TBC1D22A: variants seen among roughly 807,000 people sequenced by gnomAD.
The protein encoded by TBC1D22A is putative GTPase activator.
A neutral mutation model predicts 60.2 loss-of-function variants in TBC1D22A; 38 were observed. That is an observed-to-expected ratio of 0.63 (90% confidence interval 0.49 to 0.83). TBC1D22A has a LOEUF of 0.83. Ranked by LOEUF, TBC1D22A falls within the 40% of genes least tolerant of loss-of-function variation. TBC1D22A has a pLI of 0.00. For synonymous variants in TBC1D22A, 302 were observed against 281.7 expected, an observed-to-expected ratio of 1.07 and a Z score of -0.72; for missense variants, 628 against 701.0, an observed-to-expected ratio of 0.90 and a Z score of 1.18.
chr22:46,925,811 A>G (rs1287972696), intron 8 of TBC1D22A, among the ~76,000 whole-genome samples: 3 of 152,204 alleles, frequency 2.0e-5, no homozygotes, highest in African/African-American at 7.2e-5. Context: ...CAGAAAACCA[A>G]CTAGATCTAG....
intron 11 of TBC1D22A, among the ~76,000 whole-genome samples, chr22:47,044,595 C>T (rs932970571): frequency 2.0e-5 from 3 of 152,230 alleles, no homozygotes; most frequent in Admixed American, 6.5e-5. Flanking sequence ...TGTACTTTCT[C>T]ATGAGCCCAT....
At chr22:47,005,655 C>G (rs1455772176) in intron 10 of TBC1D22A, among the ~76,000 whole-genome samples, 1 of 150,222 alleles carries the variant, frequency 6.7e-6, no homozygotes, top group Non-Finnish European at 1.5e-5. Context: ...CACACACACC[C>G]ACACACACAC....
chr22:46,917,324 C>G (rs1038252097), intron 8 of TBC1D22A, among the ~76,000 whole-genome samples: 1 of 152,106 alleles, frequency 6.6e-6, no homozygotes, highest in Non-Finnish European at 1.5e-5. Flanking sequence ...CTGAGGGGTA[C>G]AGGAGCAGGC....
intron 8 of TBC1D22A, among the ~76,000 whole-genome samples, chr22:46,921,046 C>T (rs1037969586): frequency 6.6e-6 from 1 of 152,200 alleles, no homozygotes; most frequent in African/African-American, 2.4e-5. Flanking sequence ...GCTGGGATTA[C>T]AGGCATGAGC....
rs114157318 is a variant in TBC1D22A, at chr22:47,015,051, C to G, written c.1201+17342C>G. On this transcript the variant is annotated intron_variant, in intron 10 of 12. Transcript: ENST00000337137. ...ACCCATAGGTTCACCTCTTGTAACT[C>G]GTGTACATGGCCCAGGTGTTCCTGA... Among the ~76,000 whole-genome samples, 636 of 152,368 alleles carry G rather than the reference C, an allele frequency of 4.2e-3. 9 individuals carry two copies. The highest frequency in any genetic ancestry group is 0.015 in the African/African-American group (606 of 41,594).
chr22:47,065,153 G>A (rs933210251), intron 11 of TBC1D22A, among the ~76,000 whole-genome samples: 9 of 151,970 alleles, frequency 5.9e-5, no homozygotes, highest in African/African-American at 1.2e-4. Context: ...GTGCCAACAC[G>A]CCCGGCTAAT....
At chr22:46,870,622 G>A (rs1324968287) in intron 4 of TBC1D22A, among the ~76,000 whole-genome samples, 2 of 152,100 alleles carry the variant, frequency 1.3e-5, no homozygotes, top group African/African-American at 4.8e-5. Flanking sequence ...ATACCACAGA[G>A]TGGATAATCT....
chr22:46,988,703 G>T (rs1171037502), intron 9 of TBC1D22A, among the ~76,000 whole-genome samples: 1 of 152,218 alleles, frequency 6.6e-6, no homozygotes, highest in Admixed American at 6.5e-5. Context: ...AGGTTTTGTT[G>T]TTCCATTTAT....
intron 12 of TBC1D22A, among the ~76,000 whole-genome samples, chr22:47,114,700 G>T (rs2065968689): frequency 6.6e-6 from 1 of 152,114 alleles, no homozygotes; most frequent in Non-Finnish European, 1.5e-5. Context: ...GCCCTCATTT[G>T]TTGCAGCCTT....
intron 11 of TBC1D22A, among the ~76,000 whole-genome samples, chr22:47,090,184 T>C (rs753003826): frequency 6.6e-6 from 1 of 152,106 alleles, no homozygotes; most frequent in Non-Finnish European, 1.5e-5. Context: ...CTTGGGAGCC[T>C]GTGAAAGATG....
intron 9 of TBC1D22A, among the ~76,000 whole-genome samples, chr22:46,997,042 C>T (rs1190601302): frequency 2.6e-5 from 4 of 152,198 alleles, no homozygotes; most frequent in Non-Finnish European, 1.5e-5. Context: ...TGAAACTGCC[C>T]AGGCCCCCTT....
chr22:47,050,193 C>CG (rs1569388526), intron 11 of TBC1D22A, among the ~76,000 whole-genome samples: 1 of 152,054 alleles, frequency 6.6e-6, no homozygotes, highest in African/African-American at 2.4e-5. Context: ...TTAGTAGAGA[C>CG]GGGGTTTCAC....
chr22:47,031,338 A>C (rs1241623429), intron 10 of TBC1D22A, among the ~76,000 whole-genome samples: 5 of 152,226 alleles, frequency 3.3e-5, no homozygotes, highest in Admixed American at 3.3e-4. Context: ...CGGCGGGCAG[A>C]AACAGGCCTT....
At chr22:47,091,755 T>C (rs1488062854) in intron 11 of TBC1D22A, among the ~76,000 whole-genome samples, 1 of 152,158 alleles carries the variant, frequency 6.6e-6, no homozygotes, top group Admixed American at 6.5e-5. Flanking sequence ...CCAGCTGGAC[T>C]CTTCCTTTTT....
intron 12 of TBC1D22A, chr22:47,116,945 G>A (rs2066082107): frequency 6.5e-6 from 1 of 152,680 alleles, no homozygotes; most frequent in South Asian, 2.1e-4. Flanking sequence ...GCTCTCAAGG[G>A]GCAGGGCGAG....
In TBC1D22A at chr22:46,984,629, T is replaced by A. The variant is rs186330168; in HGVS notation, c.1125+10230T>A. Among the ~76,000 whole-genome samples, 42 of 152,356 alleles carry A rather than the reference T, an allele frequency of 2.8e-4. 1 individual carries two copies. The East Asian group carries it at 7.5e-3, about 27-fold the overall frequency. On this transcript the variant is annotated intron_variant, in intron 9 of 12. Transcript: ENST00000337137. Reference sequence around the variant, plus strand: ...CTTTGAGTAGAAAAGAACCATTGCCTTTTATAATTAGTCATTTACATTTCC... The same window carrying A: ...CTTTGAGTAGAAAAGAACCATTGCCATTTATAATTAGTCATTTACATTTCC...
chr22:46,792,665 C>T, intron 2 of TBC1D22A, 89 bp downstream of exon 2: 12 of 1,612,122 alleles, frequency 7.4e-6, no homozygotes, highest in Non-Finnish European at 9.3e-6. Flanking sequence ...TTCCTGCTCC[C>T]AGGCATTCCT....
chr22:46,808,860 C>T (rs1368754711), intron 4 of TBC1D22A, among the ~76,000 whole-genome samples: 1 of 152,228 alleles, frequency 6.6e-6, no homozygotes, highest in Non-Finnish European at 1.5e-5. Context: ...TTCCAAAGTG[C>T]TGGGATTACA....
chr22:46,984,031 C>T (rs1409663975), intron 9 of TBC1D22A, among the ~76,000 whole-genome samples: 1 of 151,934 alleles, frequency 6.6e-6, no homozygotes, highest in Non-Finnish European at 1.5e-5. Flanking sequence ...CTATTTCAGC[C>T]CCTCCCTCTC....
Sources: allele counts gnomAD v4.1 joint callset (sites outside exome capture counted in the v4.1 genomes callset), GRCh38; gene constraint gnomAD v4.1.1; transcripts MANE v1.5; gene names NCBI Gene and HGNC (gene_info 2026-07-23, HGNC 2026-07-21).